The following DLG5 variants were observed in gnomAD, a reference collection of about 807,000 sequenced individuals.
DLG5 encodes the protein discs large MAGUK scaffold protein 5.
A neutral mutation model predicts 189.8 loss-of-function variants in DLG5; 48 were observed. The ratio of observed to expected loss-of-function variants is 0.25; its 90% CI spans 0.20 to 0.32. DLG5 has a LOEUF of 0.32. DLG5 is among the 10% of genes least tolerant of loss of function. DLG5 has a pLI of 1.00. For synonymous variants in DLG5, 1,016 were observed against 1,054.1 expected (o/e 0.96, Z 0.70); for missense variants, 2,160 against 2,544.7 (o/e 0.85, Z 3.25).
rs767493915 is a variant in DLG5, at chr10:77,842,196, G to A, written c.1125-3C>T. 20 of 1,598,292 alleles carry A rather than the reference G, an allele frequency of 1.3e-5. No individual in the cohort carries two copies. The highest frequency in any genetic ancestry group is 2.7e-5 in the African/African-American group (2 of 74,840). ...GCTCATGGTGGATCGCCTCAAACCT[G>A]GCAAGAGAGGTGGCGAGATGTGGGA... On this transcript the variant is annotated splice_polypyrimidine_tract_variant and splice_region_variant and intron_variant, in intron 6 of 31. Coordinates refer to ENST00000372391, the MANE Select transcript of DLG5 (RefSeq NM_004747.4).
chr10:77,815,918 C>T (rs1310144147), intron 20 of DLG5: 13 of 362,830 alleles, frequency 3.6e-5, no homozygotes, highest in Non-Finnish European at 6.5e-5. Context: ...TGACGGATTC[C>T]ATGGAGGAGG....
At chr10:77,813,770 A>C (rs1360245161) in intron 20 of DLG5, among the ~76,000 whole-genome samples, 1 of 152,222 alleles carries the variant, frequency 6.6e-6, no homozygotes, top group Non-Finnish European at 1.5e-5. Flanking sequence ...CAATGATCTG[A>C]ACCAGGTTCC....
chr10:77,881,446 T>C (rs1845279505), intron 1 of DLG5, among the ~76,000 whole-genome samples: 1 of 152,006 alleles, frequency 6.6e-6, no homozygotes, highest in South Asian at 2.1e-4. Context: ...AAGGGAAGCA[T>C]GAGAAAGAAG....
At chr10:77,811,796 T>G (rs1297343657) in intron 22 of DLG5, 128 bp downstream of exon 22, 5 of 1,335,468 alleles carry the variant, frequency 3.7e-6, no homozygotes, top group Non-Finnish European at 5.0e-6. Context: ...TGGTCAACTC[T>G]CTCTTTAGCA....
chr10:77,870,448 C>T (rs568409710), intron 1 of DLG5, among the ~76,000 whole-genome samples: 19 of 152,210 alleles, frequency 1.2e-4, no homozygotes, highest in African/African-American at 4.3e-4. Flanking sequence ...TTTGGGAGGC[C>T]AAGGTGGGCA....
chr10:77,938,500 C>T, the DLG5 span, among the ~76,000 whole-genome samples: 4 of 152,126 alleles, frequency 2.6e-5, no homozygotes, highest in Admixed American at 2.6e-4. Context: ...GAGGAGATTA[C>T]TTGTTTTGGG....
rs1211160871 is a variant in DLG5, at chr10:77,791,185, C to T, written c.*1255G>A. On this transcript the variant is annotated 3_prime_UTR_variant, in exon 32 of 32. Transcript: ENST00000372391. Reference sequence around the variant, plus strand: ...GAATAAAATGAAATCAAAGATTTCTCGCTAGTAAAATGAAATGTTAGGAAC... The same window carrying T: ...GAATAAAATGAAATCAAAGATTTCTTGCTAGTAAAATGAAATGTTAGGAAC... 6.6e-6 allele frequency: 1 copy of T among 152,430 alleles called. No individual in the cohort carries two copies. Among genetic ancestry groups the T allele is most frequent in the African/African-American group, 2.4e-5 (1 of 41,374 alleles). 9.4% of individuals were successfully genotyped at this position (152,430 alleles called of 1,614,324 possible). A position where few individuals can be genotyped will look rare whatever the true frequency, so the allele number is the denominator to read the frequency against.
rs1363953723 is a variant in DLG5 at position 77,806,942 on chromosome 10, C to T, written c.4797-14G>A. On this transcript the variant is annotated splice_polypyrimidine_tract_variant and intron_variant, in intron 25 of 31. Transcript: ENST00000372391. ...TCGTACAGGGCCCTGGACCACAGCACAGAAGGAACACGATCAGGCGGCTCT... is the reference window on the plus strand; with the variant it reads ...TCGTACAGGGCCCTGGACCACAGCATAGAAGGAACACGATCAGGCGGCTCT... 2.5e-6 allele frequency: 4 copies of T among 1,602,986 alleles called. No homozygotes were observed. The highest frequency in any genetic ancestry group is 3.4e-6 in the Non-Finnish European group (4 of 1,170,682).
intron 7 of DLG5, among the ~76,000 whole-genome samples, chr10:77,837,941 A>G (rs1275926799): frequency 6.6e-6 from 1 of 152,234 alleles, no homozygotes; most frequent in Non-Finnish European, 1.5e-5. Context: ...CCAGAGGGCC[A>G]GAGCCCACTC....
At chr10:77,894,695 C>A (rs962796656) in intron 1 of DLG5, among the ~76,000 whole-genome samples, 2 of 152,000 alleles carry the variant, frequency 1.3e-5, no homozygotes, top group Admixed American at 1.3e-4. Context: ...CTGCCCAAAG[C>A]AGCCCAACCT....
intron 1 of DLG5, among the ~76,000 whole-genome samples, chr10:77,909,432 C>T (rs185671690): frequency 1.3e-5 from 2 of 152,100 alleles, no homozygotes; most frequent in East Asian, 3.9e-4. Context: ...TGCAGCAAAC[C>T]ACCATGGCAC....
At chr10:77,867,701 A>G (rs750197246) in intron 2 of DLG5, among the ~76,000 whole-genome samples, 2 of 152,244 alleles carry the variant, frequency 1.3e-5, no homozygotes, top group Non-Finnish European at 2.9e-5. Context: ...CTAAAGTCCC[A>G]ATCCAGTAAA....
chr10:77,817,941 T>A, intron 17 of DLG5, 52 bp from the exon 18 acceptor site: 1 of 1,440,650 alleles, frequency 6.9e-7, no homozygotes, highest in Non-Finnish European at 9.5e-7. Context: ...GGAACAGATG[T>A]GGCCACTGGG....
chr10:77,825,784 T>C (rs1842605377), intron 13 of DLG5, among the ~76,000 whole-genome samples: 1 of 151,982 alleles, frequency 6.6e-6, no homozygotes, highest in Non-Finnish European at 1.5e-5. Context: ...CTCGAACCCC[T>C]GAACTAAGGC....
At chr10:77,907,913 A>T (rs1189701009) in intron 1 of DLG5, among the ~76,000 whole-genome samples, 1 of 152,194 alleles carries the variant, frequency 6.6e-6, no homozygotes, top group Non-Finnish European at 1.5e-5. Flanking sequence ...GGTGAGATCA[A>T]ATGAGAAAAT....
chr10:77,830,801 C>T lies in DLG5; in HGVS notation c.1821G>A (p.Ser607=), dbSNP rs376194297. The T allele has an allele frequency of 5.1e-5, 82 of 1,614,156 alleles. No individual in the cohort carries two copies. Among genetic ancestry groups the T allele is most frequent in the Non-Finnish European group, 5.5e-5 (65 of 1,180,038 alleles). ...RQLMAHSSHD[S]AIDTDSMEWE... ...ACTCCATGGAATCCGTGTCAATGGC[C>T]GAGTCGTGGGAGCTGTGGGCCATCA... is the stretch of plus-strand genomic sequence containing the variant. Residue 607 remains serine, a synonymous_variant, in exon 10 of 32, where the codon TCG becomes TCA. Coordinates refer to ENST00000372391, the MANE Select transcript of DLG5 (RefSeq NM_004747.4).
chr10:77,806,738 C>CCCCCCCCCCCCAAAAAAAA lies in DLG5; in HGVS notation c.4967+19_4967+20insTTTTTTTTGGGGGGGGGGG. The CCCCCCCCCCCCAAAAAAAA allele has an allele frequency of 6.4e-7, 1 of 1,574,710 alleles. No homozygotes were observed. Among genetic ancestry groups the CCCCCCCCCCCCAAAAAAAA allele is most frequent in the Non-Finnish European group, 8.7e-7 (1 of 1,147,896 alleles). ...CGGCGACCCCTGCCCCACCCCACCCCAGGCCCGGAGAACACTTACACATAT... is the reference window on the plus strand; with the variant it reads ...CGGCGACCCCTGCCCCACCCCACCCCCCCCCCCCCCCAAAAAAAAAGGCCCGGAGAACACTTACACATAT... On this transcript the variant is annotated intron_variant, in intron 26 of 31. Transcript: ENST00000372391.
At chr10:77,920,902 C>G (rs1453615537) in intron 1 of DLG5, among the ~76,000 whole-genome samples, 1 of 152,186 alleles carries the variant, frequency 6.6e-6, no homozygotes, top group Non-Finnish European at 1.5e-5. Context: ...TCTTTTTCTA[C>G]CTAAGATGAT....
intron 11 of DLG5, 148 bp downstream of exon 11, chr10:77,830,069 A>G (rs1842828106): frequency 2.2e-6 from 2 of 922,196 alleles, no homozygotes; most frequent in South Asian, 3.4e-5. Flanking sequence ...GAGCATTATT[A>G]GCTGCTGAGA....
Sources: gnomAD v4.1 joint callset for allele counts (sites outside exome capture counted in the v4.1 genomes callset) on GRCh38, gnomAD v4.1.1 for gene constraint, MANE v1.5 for transcripts, NCBI Gene and HGNC (gene_info 2026-07-23, HGNC 2026-07-21) for gene names.